The following PRKAR2B variants were observed in gnomAD, a reference collection of about 807,000 sequenced individuals.
The protein encoded by PRKAR2B is cAMP-dependent protein kinase type II-beta regulatory subunit.
A neutral mutation model predicts 49.9 loss-of-function variants in PRKAR2B; 14 were observed. That is an observed-to-expected ratio of 0.28 (90% CI 0.19 to 0.44). The LOEUF is 0.44. Ranked by LOEUF, PRKAR2B falls within the 20% of genes least tolerant of loss-of-function variation. The pLI is 1.00. For missense variants in PRKAR2B, 393 were observed against 537.9 expected, an observed-to-expected ratio of 0.73 and a Z score of 2.67; for synonymous variants, 196 against 197.7, an observed-to-expected ratio of 0.99 and a Z score of 0.07.
At chr7:107,107,680 A>C (rs1275498207) in intron 2 of PRKAR2B, among the ~76,000 whole-genome samples, 1 of 151,668 alleles carries the variant, frequency 6.6e-6, no homozygotes, top group African/African-American at 2.4e-5. Context: ...TTTTTTTAAG[A>C]CAGAGTCTCG....
intron 4 of PRKAR2B, among the ~76,000 whole-genome samples, chr7:107,138,127 ACT>A (rs1795731303): frequency 6.6e-6 from 1 of 150,870 alleles, no homozygotes; most frequent in Non-Finnish European, 1.5e-5. Context: ...AATTTTTTTA[ACT>A]CTTTTATTTA....
In PRKAR2B at chr7:107,134,032, G is replaced by T. The variant is rs77158488; in HGVS notation, c.480+5737G>T. Among the ~76,000 whole-genome samples, 726 of 150,860 alleles carry T rather than the reference G, an allele frequency of 4.8e-3. 13 individuals are homozygous for T. Among genetic ancestry groups the T allele is most frequent in the Admixed American group, 0.03 (457 of 15,174 alleles). On this transcript the variant is annotated intron_variant, in intron 4 of 10. Coordinates refer to ENST00000265717, the MANE Select transcript of PRKAR2B (RefSeq NM_002736.3). ...ATACTGTTATGCCCTGTTTTTTTTT[G>T]TTGTTGTTGTTGTTTTTTGAGAGTC...
chr7:107,104,401 T>C (rs1242528441), intron 2 of PRKAR2B, among the ~76,000 whole-genome samples: 1 of 152,208 alleles, frequency 6.6e-6, no homozygotes, highest in Admixed American at 6.5e-5. Flanking sequence ...GAATGAATTC[T>C]TTTCATTCCT....
At chr7:107,113,644 G>C (rs1320957685) in intron 2 of PRKAR2B, among the ~76,000 whole-genome samples, 7 of 152,052 alleles carry the variant, frequency 4.6e-5, no homozygotes, top group African/African-American at 1.7e-4. Context: ...ATTATCCTCC[G>C]AATTATTCTT....
chr7:107,073,435 C>T (rs1368621324), intron 2 of PRKAR2B, among the ~76,000 whole-genome samples: 1 of 152,104 alleles, frequency 6.6e-6, no homozygotes, highest in East Asian at 1.9e-4. Flanking sequence ...TTTATAGAGG[C>T]TTCAGGGTTG....
At chr7:107,096,250 G>A (rs772161612) in intron 2 of PRKAR2B, among the ~76,000 whole-genome samples, 7 of 152,182 alleles carry the variant, frequency 4.6e-5, no homozygotes, top group Non-Finnish European at 1.0e-4. Context: ...ATGTGTCCAG[G>A]AATTTATCCA....
At chr7:107,098,454 A>G (rs1181339993) in intron 2 of PRKAR2B, among the ~76,000 whole-genome samples, 3 of 152,176 alleles carry the variant, frequency 2.0e-5, no homozygotes, top group African/African-American at 7.2e-5. Flanking sequence ...GTGGGTTCGA[A>G]CATCCTCCTT....
chr7:107,065,304 T>A (rs1794112450), intron 1 of PRKAR2B, among the ~76,000 whole-genome samples: 1 of 149,694 alleles, frequency 6.7e-6, no homozygotes, highest in Admixed American at 6.7e-5. Flanking sequence ...TTTATTTTTG[T>A]TTGCTCGGGG....
intron 4 of PRKAR2B, among the ~76,000 whole-genome samples, chr7:107,134,115 G>A (rs753083718): frequency 3.9e-5 from 6 of 151,982 alleles, no homozygotes; most frequent in Admixed American, 2.6e-4. Context: ...TGCAACCTCC[G>A]CCTCCTGGGT....
At chr7:107,050,742 G>A (rs1415470589) in intron 1 of PRKAR2B, among the ~76,000 whole-genome samples, 1 of 152,162 alleles carries the variant, frequency 6.6e-6, no homozygotes, top group East Asian at 1.9e-4. Context: ...AAAGTGCTGA[G>A]ATCTGGGATG....
intron 2 of PRKAR2B, among the ~76,000 whole-genome samples, chr7:107,089,214 A>T (rs1033533273): frequency 2.6e-5 from 4 of 152,306 alleles, no homozygotes; most frequent in Admixed American, 1.3e-4. Flanking sequence ...CATGAGAAAA[A>T]TTGAGATTCA....
intron 5 of PRKAR2B, among the ~76,000 whole-genome samples, chr7:107,142,244 C>T (rs933441721): frequency 1.3e-5 from 2 of 152,152 alleles, no homozygotes; most frequent in Admixed American, 6.5e-5. Context: ...ATGCGTCAGT[C>T]GAGCATGCTG....
At chr7:107,103,916 G>A (rs994439621) in intron 2 of PRKAR2B, among the ~76,000 whole-genome samples, 2 of 152,208 alleles carry the variant, frequency 1.3e-5, no homozygotes, top group Non-Finnish European at 2.9e-5. Context: ...TCAATTTAAA[G>A]GCTCCTGATT....
intron 10 of PRKAR2B, among the ~76,000 whole-genome samples, chr7:107,157,723 C>T (rs1012908496): frequency 6.6e-6 from 1 of 152,180 alleles, no homozygotes; most frequent in African/African-American, 2.4e-5. Flanking sequence ...AATCCTTACT[C>T]ATTACAGTAT....
intron 5 of PRKAR2B, among the ~76,000 whole-genome samples, chr7:107,142,181 T>C (rs1446938551): frequency 6.6e-6 from 1 of 152,106 alleles, no homozygotes; most frequent in East Asian, 1.9e-4. Context: ...AATGACCTCT[T>C]TGGTCTCCTG....
intron 2 of PRKAR2B, among the ~76,000 whole-genome samples, chr7:107,098,641 T>G (rs1794898678): frequency 6.6e-6 from 1 of 152,188 alleles, no homozygotes; most frequent in South Asian, 2.1e-4. Context: ...CTCCCCATCT[T>G]TGTGGTTTAT....
chr7:107,079,716 G>A (rs983263928), intron 2 of PRKAR2B, among the ~76,000 whole-genome samples: 12 of 151,838 alleles, frequency 7.9e-5, no homozygotes, highest in African/African-American at 2.2e-4. Flanking sequence ...TTCCGATACC[G>A]TTACTGTTAC....
chr7:107,051,681 G>A (rs2116747733), intron 1 of PRKAR2B, among the ~76,000 whole-genome samples: 1 of 152,216 alleles, frequency 6.6e-6, no homozygotes, highest in South Asian at 2.1e-4. Flanking sequence ...TAAACAGTTG[G>A]TGTAACATTT....
At chr7:107,047,558 A>G (rs1793722718) in intron 1 of PRKAR2B, among the ~76,000 whole-genome samples, 1 of 151,984 alleles carries the variant, frequency 6.6e-6, no homozygotes, top group South Asian at 2.1e-4. Flanking sequence ...TCAAAATAGT[A>G]CCATTGGGGG....
Sources: gnomAD v4.1 joint callset for allele counts (sites outside exome capture counted in the v4.1 genomes callset) on GRCh38, gnomAD v4.1.1 for gene constraint, MANE v1.5 for transcripts, NCBI Gene and HGNC (gene_info 2026-07-23, HGNC 2026-07-21) for gene names.